The following ACADSB variants were observed in gnomAD, a reference collection of about 807,000 sequenced individuals.
The protein encoded by ACADSB is acyl-CoA dehydrogenase short/branched chain.
Under a neutral mutation model 54.1 loss-of-function variants are expected in ACADSB, and 40 were observed. The ratio of observed to expected loss-of-function variants is 0.74; its 90% CI spans 0.57 to 0.96. The LOEUF (loss-of-function observed/expected upper bound fraction) is 0.96, where lower values mean the gene tolerates loss of function less well. Ranked by LOEUF, ACADSB falls within the 40% of genes least tolerant of loss-of-function variation. The pLI is 0.00. For synonymous variants in ACADSB, 182 were observed against 182.8 expected, an observed-to-expected ratio of 1.00 and a Z score of 0.03; for missense variants, 530 against 510.4, an observed-to-expected ratio of 1.04 and a Z score of -0.37.
chr10:123,041,509 C>A, intron 5 of ACADSB, 130 bp downstream of exon 5: 1 of 912,344 alleles, frequency 1.1e-6, no homozygotes, highest in Non-Finnish European at 1.7e-6. Context: ...CTGAAAATGT[C>A]AGACTTGAGC....
intron 10 of ACADSB, 125 bp from the exon 11 acceptor site, chr10:123,053,570 G>A (rs2038098049): frequency 1.2e-6 from 1 of 831,640 alleles, no homozygotes; most frequent in Non-Finnish European, 2.1e-6. Context: ...CCATATTCAG[G>A]GGACATGAAG....
rs1850732337 is a variant in ACADSB at position 123,058,226 on chromosome 10, T to G, written c.*4461T>G. ...TGTTTTAATGTTATATATTGGATTG[T>G]ATTCGATGTTACAAAACCAATATTC... On this transcript the variant is annotated 3_prime_UTR_variant, in exon 11 of 11. Coordinates refer to ENST00000358776, the MANE Select transcript of ACADSB (RefSeq NM_001609.4). The G allele has an allele frequency of 6.6e-6, 1 of 152,244 alleles. No homozygotes were observed. 9.4% of individuals were successfully genotyped at this position (152,244 alleles called of 1,614,324 possible).
chr10:123,025,216 G>T (rs1452279277), intron 1 of ACADSB, among the ~76,000 whole-genome samples: 1 of 152,190 alleles, frequency 6.6e-6, no homozygotes, highest in Non-Finnish European at 1.5e-5. Flanking sequence ...TGCACTTTGC[G>T]GGGGCCTAGC....
At chr10:123,011,619 C>T (rs1006382627) in intron 1 of ACADSB, among the ~76,000 whole-genome samples, 5 of 151,654 alleles carry the variant, frequency 3.3e-5, no homozygotes, top group African/African-American at 7.3e-5. Context: ...CTATGCCACC[C>T]GGATTCGAGC....
Position 123,057,115 on chromosome 10 carries a change from A to C in ACADSB, c.*3350A>C, listed in dbSNP as rs1194101525. ...TATGTGAAAGAGGTGGACTTTACAG[A>C]TAATGGAGCAGAAGCCAACATTAGT... On this transcript the variant is annotated 3_prime_UTR_variant, in exon 11 of 11. Coordinates refer to ENST00000358776, the MANE Select transcript of ACADSB (RefSeq NM_001609.4). The C allele has an allele frequency of 6.6e-6, 1 of 152,512 alleles. No homozygotes were observed. The highest frequency in any genetic ancestry group is 1.5e-5 in the Non-Finnish European group (1 of 68,042). 9.4% of individuals were successfully genotyped at this position (152,512 alleles called of 1,614,324 possible).
intron 1 of ACADSB, among the ~76,000 whole-genome samples, chr10:123,023,805 A>G (rs1850213719): frequency 6.6e-6 from 1 of 152,234 alleles, no homozygotes. Flanking sequence ...CAAACTCCAG[A>G]TTCCAAACAA....
chr10:123,022,334 T>C (rs895769921), intron 1 of ACADSB, among the ~76,000 whole-genome samples: 1 of 152,226 alleles, frequency 6.6e-6, no homozygotes, highest in Non-Finnish European at 1.5e-5. Context: ...AAGCCAAGAT[T>C]GAACCTATGA....
intron 4 of ACADSB, 117 bp from the exon 5 acceptor site, chr10:123,041,092 G>A (rs1399910092): frequency 8.7e-7 from 1 of 1,143,556 alleles, no homozygotes; most frequent in South Asian, 1.4e-5. Flanking sequence ...ATAAATATAG[G>A]CTTTTTAAAA....
chr10:123,047,295 T>C lies in ACADSB; in HGVS notation c.987T>C (p.Phe329=). 9.6e-6 allele frequency: 15 copies of C among 1,564,256 alleles called. No individual in the cohort carries two copies. Among genetic ancestry groups the C allele is most frequent in the Non-Finnish European group, 1.3e-5 (15 of 1,134,558 alleles). Residue 329 remains phenylalanine, a synonymous_variant, in exon 8 of 11, where the codon TTT becomes TTC. Transcript: ENST00000358776. The stretch of plus-strand genomic sequence containing the variant: ...AATTTGGCAAAAGACTATTTGATTT[T>C]CAGGTATGTAATTATTAGGGTCTTT... ...RIQFGKRLFD[F]QGLQHQVAHV... is the part of the protein sequence containing the mutation.
chr10:123,053,184 AT>A, intron 10 of ACADSB, 24 bp downstream of exon 10: 9 of 1,557,718 alleles, frequency 5.8e-6, no homozygotes, highest in Non-Finnish European at 7.1e-6. Context: ...TTTTTTTTAC[AT>A]TTTATTTTGT....
Position 123,034,290 on chromosome 10 carries a change from A to G in ACADSB, c.43-66A>G, listed in dbSNP as rs552479520. 2.5e-5 allele frequency: 38 copies of G among 1,534,758 alleles called. No homozygotes were observed. In the South Asian group the frequency reaches 3.9e-4, roughly 16 times the overall value. On this transcript the variant is annotated intron_variant, in intron 1 of 10. Transcript: ENST00000358776. ...GTGACATGAAATATAAGAATGGGTT[A>G]TAAAGTCATTCCCAAAGAAAATGAT...
chr10:123,041,994 C>T (rs11248368), intron 5 of ACADSB, among the ~76,000 whole-genome samples: 2 of 145,696 alleles, frequency 1.4e-5, no homozygotes, highest in African/African-American at 5.1e-5. Flanking sequence ...AATATGGAGT[C>T]TCGCTGTATC....
rs948136744 is a variant in ACADSB, at chr10:123,053,896, G to A, written c.*131G>A. The A allele has an allele frequency of 1.9e-5, 17 of 875,852 alleles. No individual in the cohort carries two copies. The highest frequency in any genetic ancestry group is 2.4e-4 in the Middle Eastern group (1 of 4,210). The allele number at this position is 875,852 out of a possible 1,614,324, so 54.3% of individuals were successfully genotyped here. On this transcript the variant is annotated 3_prime_UTR_variant, in exon 11 of 11. Transcript: ENST00000358776. ...TTCGAATATTTTAATGAAGCCCTTA[G>A]TCAGGGTCCTGGTGTTGGCCTTTTT...
At chr10:123,046,100 G>A (rs1425936804) in intron 7 of ACADSB, among the ~76,000 whole-genome samples, 1 of 152,202 alleles carries the variant, frequency 6.6e-6, no homozygotes, top group Non-Finnish European at 1.5e-5. Context: ...AATTTTAGCT[G>A]TAAGGGTATA....
chr10:123,053,078 G>T lies in ACADSB; in HGVS notation c.1146G>T (p.Thr382=), dbSNP rs1340525667. The T allele has an allele frequency of 1.2e-6, 2 of 1,613,816 alleles. No individual in the cohort carries two copies. Among genetic ancestry groups the T allele is most frequent in the African/African-American group, 2.7e-5 (2 of 74,902 alleles). Residue 382 remains threonine, a synonymous_variant, in exon 10 of 11, where the codon ACG becomes ACT. Coordinates refer to ENST00000358776, the MANE Select transcript of ACADSB (RefSeq NM_001609.4). ...YYASEIAGQT[T]SKCIEWMGGV... ...TTTGGTAGATTGCAGGACAAACAAC[G>T]AGTAAATGTATCGAGTGGATGGGGG...
chr10:123,015,987 G>A (rs1004339250), intron 1 of ACADSB, among the ~76,000 whole-genome samples: 2 of 152,190 alleles, frequency 1.3e-5, no homozygotes, highest in Non-Finnish European at 2.9e-5. Context: ...TGAAATGGAG[G>A]AATTAGATGG....
At chr10:123,013,645 G>T (rs1054884659) in intron 1 of ACADSB, among the ~76,000 whole-genome samples, 1 of 152,228 alleles carries the variant, frequency 6.6e-6, no homozygotes, top group African/African-American at 2.4e-5. Context: ...CCCGGGGCCT[G>T]CCCCGCGGAG....
Position 123,009,022 on chromosome 10 carries a change from C to CGGCGA in ACADSB, c.-5_-1dup. 1 of 1,547,710 alleles carries CGGCGA rather than the reference C, an allele frequency of 6.5e-7. No homozygotes were observed. The highest frequency in any genetic ancestry group is 8.7e-7 in the Non-Finnish European group (1 of 1,146,798). ...CAGAGGCGCAGAGCGGAGAGGCCTGCGGCGAGGATGGAGGGCCTGGCAGTG... is the reference window on the plus strand; with the variant it reads ...CAGAGGCGCAGAGCGGAGAGGCCTGCGGCGAGGCGAGGATGGAGGGCCTGGCAGTG... On this transcript the variant is annotated 5_prime_UTR_variant, in exon 1 of 11. Coordinates refer to ENST00000358776, the MANE Select transcript of ACADSB (RefSeq NM_001609.4).
intron 6 of ACADSB, 145 bp downstream of exon 6, chr10:123,043,316 CT>C: frequency 1.9e-6 from 2 of 1,035,694 alleles, no homozygotes; most frequent in South Asian, 2.6e-5. Context: ...GAACAGCGCT[CT>C]TTAGTCATGA....
Sources: allele counts gnomAD v4.1 joint callset (sites outside exome capture counted in the v4.1 genomes callset), GRCh38; gene constraint gnomAD v4.1.1; transcripts MANE v1.5; gene names NCBI Gene and HGNC (gene_info 2026-07-23, HGNC 2026-07-21).